Variants in TENM4 observed in about 807,000 individuals in gnomAD.
TENM4 encodes the protein teneurin transmembrane protein 4.
In TENM4, 82 loss-of-function variants were observed where a neutral mutation model predicts 243.3. That is an observed-to-expected ratio of 0.34 (90% CI 0.28 to 0.40). The LOEUF (loss-of-function observed/expected upper bound fraction) is 0.40. Among genes scored for constraint, TENM4 ranks in the 10% least tolerant of loss-of-function variants. The pLI, the probability that TENM4 is intolerant of heterozygous loss-of-function variation, is 1.00. For synonymous variants in TENM4, 1,412 were observed against 1,456.3 expected (o/e 0.97, Z 0.69); for missense variants, 3,138 against 3,673.3 (o/e 0.85, Z 3.77).
At chr11:79,136,106 G>A (rs1862105417) in intron 4 of TENM4, among the ~76,000 whole-genome samples, 1 of 151,850 alleles carries the variant, frequency 6.6e-6, no homozygotes, top group Admixed American at 6.6e-5. Context: ...TGGGTGATGA[G>A]TGCACCAAAA....
chr11:78,716,941 G>A (rs536789471), intron 25 of TENM4, among the ~76,000 whole-genome samples: 21 of 152,268 alleles, frequency 1.4e-4, no homozygotes, highest in Admixed American at 4.6e-4. Context: ...GACGGAAGAC[G>A]GCCTTCAGTG....
intron 1 of TENM4, among the ~76,000 whole-genome samples, chr11:79,378,597 G>A (rs1380656520): frequency 6.6e-6 from 1 of 152,142 alleles, no homozygotes; most frequent in Admixed American, 6.5e-5. Context: ...GCAGAGAAGG[G>A]GCAGGTGCAG....
chr11:79,048,411 C>A (rs568358604), intron 6 of TENM4, among the ~76,000 whole-genome samples: 1 of 152,094 alleles, frequency 6.6e-6, no homozygotes, highest in Admixed American at 6.6e-5. Context: ...GAAGATACCC[C>A]GGCAGAAGAT....
At chr11:78,852,562 G>C (rs892779048) in intron 12 of TENM4, among the ~76,000 whole-genome samples, 1 of 152,064 alleles carries the variant, frequency 6.6e-6, no homozygotes, top group Admixed American at 6.5e-5. Context: ...GTGTGCCTGT[G>C]GTCCCAGCTA....
chr11:79,401,433 A>G (rs557481895), intron 1 of TENM4, among the ~76,000 whole-genome samples: 1 of 152,346 alleles, frequency 6.6e-6, no homozygotes, highest in African/African-American at 2.4e-5. Context: ...GGAATAAACA[A>G]TAATTCCCAG....
At chr11:78,841,309 C>A (rs983286636) in intron 12 of TENM4, among the ~76,000 whole-genome samples, 5 of 152,176 alleles carry the variant, frequency 3.3e-5, no homozygotes, top group Admixed American at 1.3e-4. Flanking sequence ...ACCACTAAGC[C>A]ACACTGCCTC....
intron 1 of TENM4, among the ~76,000 whole-genome samples, chr11:79,381,613 A>G (rs1449776139): frequency 1.3e-5 from 2 of 150,440 alleles, no homozygotes; most frequent in Non-Finnish European, 3.0e-5. Flanking sequence ...CAAGGTAGAC[A>G]GTGAGTCAGT....
At chr11:79,418,066 A>G (rs2135584447) in intron 1 of TENM4, among the ~76,000 whole-genome samples, 1 of 152,200 alleles carries the variant, frequency 6.6e-6, no homozygotes, top group East Asian at 1.9e-4. Context: ...TCCTCGCACT[A>G]GACTAGTACT....
In TENM4 at chr11:79,438,381, G is replaced by A. The variant is rs1279324650; in HGVS notation, c.-321+2128C>T. Among the ~76,000 whole-genome samples the A allele has an allele frequency of 6.6e-6, 1 of 152,230 alleles. No individual in the cohort carries two copies. Among genetic ancestry groups the A allele is most frequent in the Non-Finnish European group, 1.5e-5 (1 of 68,034 alleles). On this transcript the variant is annotated intron_variant, in intron 1 of 33. Coordinates refer to ENST00000278550, the MANE Select transcript of TENM4 (RefSeq NM_001098816.3). The surrounding 1 kb of genome is among the most constrained non-coding windows in gnomAD (Gnocchi z 4.1). The stretch of plus-strand genomic sequence containing the variant: ...ATAAACGCAACAGAAGCAAACTGCT[G>A]TCTGCAGAGGCGAGAGGCGAAGGAA...
chr11:78,913,580 G>GGTGTGTGT (rs1403545697), intron 6 of TENM4, among the ~76,000 whole-genome samples: 4 of 126,350 alleles, frequency 3.2e-5, no homozygotes, highest in Admixed American at 1.8e-4. Context: ...ATGGGTAAGA[G>GGTGTGTGT]GTATGTGTGT....
chr11:79,121,641 A>C (rs913080492), intron 4 of TENM4, among the ~76,000 whole-genome samples: 13 of 152,208 alleles, frequency 8.5e-5, no homozygotes, highest in African/African-American at 3.1e-4. Context: ...CTGAGCAAGT[A>C]GTGTCCAATT....
At chr11:79,006,638 G>A (rs1858492105) in intron 6 of TENM4, among the ~76,000 whole-genome samples, 1 of 151,912 alleles carries the variant, frequency 6.6e-6, no homozygotes, top group South Asian at 2.1e-4. Flanking sequence ...ATCAGGCCTG[G>A]GATATATATC....
chr11:79,399,238 G>C (rs1291554580), intron 1 of TENM4, among the ~76,000 whole-genome samples: 1 of 152,154 alleles, frequency 6.6e-6, no homozygotes. Flanking sequence ...CAGAATATGA[G>C]TTCCAACTCT....
chr11:78,697,535 GTGC>G (rs2135751536), intron 28 of TENM4, among the ~76,000 whole-genome samples: 1 of 152,316 alleles, frequency 6.6e-6, no homozygotes, highest in East Asian at 1.9e-4. Context: ...AGCACTGGCA[GTGC>G]TGGTGCTCAG....
intron 2 of TENM4, among the ~76,000 whole-genome samples, chr11:79,277,340 A>G (rs1345535336): frequency 6.6e-6 from 1 of 152,242 alleles, no homozygotes; most frequent in Non-Finnish European, 1.5e-5. Flanking sequence ...AGCCAGGAAC[A>G]CTGCTAAGGA....
At chr11:79,192,685 C>T (rs1044406460) in intron 3 of TENM4, among the ~76,000 whole-genome samples, 8 of 151,950 alleles carry the variant, frequency 5.3e-5, no homozygotes, top group African/African-American at 1.9e-4. Context: ...ACCTTCCCTC[C>T]ACTAGTGTCC....
intron 6 of TENM4, among the ~76,000 whole-genome samples, chr11:79,045,802 C>T (rs1193382001): frequency 6.6e-6 from 1 of 152,044 alleles, no homozygotes; most frequent in Non-Finnish European, 1.5e-5. Flanking sequence ...TTCACCTTTG[C>T]CTGCTGGTTA....
intron 6 of TENM4, among the ~76,000 whole-genome samples, chr11:78,989,395 T>G (rs1340670736): frequency 6.6e-6 from 1 of 152,168 alleles, no homozygotes; most frequent in African/African-American, 2.4e-5. Flanking sequence ...CACATAATAT[T>G]TTTTGGTGGC....
chr11:78,654,367 G>A lies in TENM4; in HGVS notation c.*3691C>T, dbSNP rs980589089. 8 of 152,168 alleles carry A rather than the reference G, an allele frequency of 5.3e-5. No individual in the cohort carries two copies. The highest frequency in any genetic ancestry group is 1.9e-4 in the African/African-American group (8 of 41,430). The allele number at this position is 152,168 out of a possible 1,614,324, so 9.4% of individuals were successfully genotyped here. A position where few individuals can be genotyped will look rare whatever the true frequency, so the allele number is the denominator to read the frequency against. The stretch of plus-strand genomic sequence containing the variant: ...CACCACATGGCCACCACAAATACAA[G>A]ACTGCAAGTGGTAAAACTGCATTCT... On this transcript the variant is annotated 3_prime_UTR_variant, in exon 34 of 34. Coordinates refer to ENST00000278550, the MANE Select transcript of TENM4 (RefSeq NM_001098816.3).
Sources: gnomAD v4.1 joint callset for allele counts (sites outside exome capture counted in the v4.1 genomes callset) on GRCh38, gnomAD v4.1.1 for gene constraint, Gnocchi (gnomAD v3.1) non-coding constraint, MANE v1.5 for transcripts, NCBI Gene and HGNC (gene_info 2026-07-23, HGNC 2026-07-21) for gene names.